CAP2: variants seen among roughly 807,000 people sequenced by gnomAD.
CAP2 encodes cyclase associated actin cytoskeleton regulatory protein 2.
In CAP2, 24 loss-of-function variants were observed where a neutral mutation model predicts 57.7. That is an observed-to-expected ratio of 0.42 (90% CI 0.30 to 0.58). The LOEUF is 0.58. Ranked by LOEUF, CAP2 falls within the 20% of genes least tolerant of loss-of-function variation. CAP2 has a pLI of 0.22. For missense variants in CAP2, 501 were observed against 590.3 expected, an observed-to-expected ratio of 0.85 and a Z score of 1.57; for synonymous variants, 194 against 207.2, an observed-to-expected ratio of 0.94 and a Z score of 0.55.
chr6:17,436,086 T>C lies in CAP2; in HGVS notation c.222+9396T>C, dbSNP rs112572494. Among the ~76,000 whole-genome samples, 1,284 of 133,958 alleles carry C rather than the reference T, an allele frequency of 9.6e-3. 15 individuals carry two copies. The highest frequency in any genetic ancestry group is 0.034 in the African/African-American group (1,175 of 34,314). 87.9% of individuals were successfully genotyped at this position (133,958 alleles called of 152,430 possible). A position where few individuals can be genotyped will look rare whatever the true frequency, so the allele number is the denominator to read the frequency against. On this transcript the variant is annotated intron_variant, in intron 3 of 12. Transcript: ENST00000229922. The stretch of plus-strand genomic sequence containing the variant: ...TAAGGAATCTTTCTTTCTTTCTTTC[T>C]TTCCTTCCTTCCTTCCTTCCTTCCT...
chr6:17,511,939 A>G (rs1298361899), intron 6 of CAP2, among the ~76,000 whole-genome samples: 2 of 152,098 alleles, frequency 1.3e-5, no homozygotes, highest in African/African-American at 4.8e-5. Flanking sequence ...GTTACCCCTT[A>G]AAGACTGATT....
intron 11 of CAP2, among the ~76,000 whole-genome samples, chr6:17,547,094 G>A (rs1763065172): frequency 1.3e-5 from 2 of 151,996 alleles, no homozygotes; most frequent in South Asian, 4.1e-4. Flanking sequence ...GCTTCAAAGA[G>A]AATAAAATAC....
At chr6:17,476,446 G>C (rs1761152216) in intron 4 of CAP2, among the ~76,000 whole-genome samples, 1 of 152,182 alleles carries the variant, frequency 6.6e-6, no homozygotes, top group African/African-American at 2.4e-5. Flanking sequence ...TTAAGTGAGA[G>C]CTCTTGTCTT....
rs185916093 is a variant in CAP2 at position 17,488,279 on chromosome 6, G to T, written c.301-18890G>T. 3.0e-4 allele frequency among the ~76,000 whole-genome samples: 45 copies of T among 152,178 alleles called. 1 individual carries two copies. Among genetic ancestry groups the T allele is most frequent in the Non-Finnish European group, 4.4e-4 (30 of 67,980 alleles). Reference sequence around the variant, plus strand: ...ATAGCTTGGCTTTGTGCTCTTTTTGGTATCTTTTTCTGCTGTTCTCTCAGC... The same window carrying T: ...ATAGCTTGGCTTTGTGCTCTTTTTGTTATCTTTTTCTGCTGTTCTCTCAGC... On this transcript the variant is annotated intron_variant, in intron 4 of 12. Transcript: ENST00000229922.
intron 4 of CAP2, among the ~76,000 whole-genome samples, chr6:17,474,545 CTA>C (rs1333437630): frequency 6.6e-6 from 1 of 152,124 alleles, no homozygotes; most frequent in Non-Finnish European, 1.5e-5. Context: ...CATGCCTACT[CTA>C]TAGTAGTCAG....
At chr6:17,504,355 C>T (rs921864875) in intron 4 of CAP2, among the ~76,000 whole-genome samples, 2 of 152,160 alleles carry the variant, frequency 1.3e-5, no homozygotes, top group African/African-American at 4.8e-5. Flanking sequence ...GGTGTAAAGT[C>T]CCAGAGCTGA....
chr6:17,551,735 C>T, intron 12 of CAP2, 131 bp downstream of exon 12: 1 of 666,802 alleles, frequency 1.5e-6, no homozygotes, highest in Non-Finnish European at 2.5e-6. Context: ...GCGAGGAATT[C>T]AGGGAGCTGT....
chr6:17,422,297 CAT>C (rs1759470560), intron 2 of CAP2, among the ~76,000 whole-genome samples: 1 of 149,850 alleles, frequency 6.7e-6, no homozygotes. Context: ...TTTGATGTAA[CAT>C]AACTACGTCA....
intron 4 of CAP2, among the ~76,000 whole-genome samples, chr6:17,484,381 C>T (rs1471219683): frequency 6.6e-6 from 1 of 152,156 alleles, no homozygotes; most frequent in African/African-American, 2.4e-5. Flanking sequence ...TGCAGCCTGG[C>T]TCAAATGACC....
chr6:17,493,416 G>A (rs1438926156), intron 4 of CAP2: 1 of 351,284 alleles, frequency 2.8e-6, no homozygotes, highest in Non-Finnish European at 5.9e-6. Flanking sequence ...AATTGACCTG[G>A]GAAATTAAAC....
chr6:17,445,881 G>T (rs1760244012), intron 3 of CAP2, among the ~76,000 whole-genome samples: 1 of 152,188 alleles, frequency 6.6e-6, no homozygotes, highest in Non-Finnish European at 1.5e-5. Flanking sequence ...TGTGCACAGA[G>T]GCTGCAGCTC....
chr6:17,410,650 C>T (rs1471501099), intron 1 of CAP2, among the ~76,000 whole-genome samples: 1 of 151,948 alleles, frequency 6.6e-6, no homozygotes, highest in Non-Finnish European at 1.5e-5. Context: ...GTCTGCCTTC[C>T]AGGTTCACGC....
At chr6:17,482,881 G>C (rs1761326496) in intron 4 of CAP2, among the ~76,000 whole-genome samples, 1 of 152,150 alleles carries the variant, frequency 6.6e-6, no homozygotes, top group Non-Finnish European at 1.5e-5. Context: ...ATTAGTGGGG[G>C]GACACCACTC....
chr6:17,523,168 T>C (rs1581593180), intron 7 of CAP2, among the ~76,000 whole-genome samples: 1 of 151,814 alleles, frequency 6.6e-6, no homozygotes, highest in African/African-American at 2.4e-5. Context: ...GAGGGTGAGG[T>C]AGTTAGTATG....
rs567873358 is a variant in CAP2, at chr6:17,526,213, G to A, written c.636+12259G>A. ...GCTCACTGCAACCTCCACCTCCCGG[G>A]TTCAAGCTATTCTCCTGCCTCAGCC... On this transcript the variant is annotated intron_variant, in intron 7 of 12. Transcript: ENST00000229922. 2.0e-5 allele frequency among the ~76,000 whole-genome samples: 3 copies of A among 151,890 alleles called. No homozygotes were observed. In the East Asian group the frequency reaches 5.8e-4, roughly 29 times the overall value.
chr6:17,439,110 T>TA (rs1467446010), intron 3 of CAP2, among the ~76,000 whole-genome samples: 1 of 150,678 alleles, frequency 6.6e-6, no homozygotes, highest in Non-Finnish European at 1.5e-5. Context: ...GACTCTGTCT[T>TA]AAAAAAATAA....
chr6:17,423,210 G>A (rs1438862603), intron 2 of CAP2, among the ~76,000 whole-genome samples: 1 of 152,200 alleles, frequency 6.6e-6, no homozygotes, highest in Non-Finnish European at 1.5e-5. Context: ...ACCCGTGCCT[G>A]TATTACATAC....
At chr6:17,486,266 T>C (rs992111807) in intron 4 of CAP2, among the ~76,000 whole-genome samples, 4 of 152,210 alleles carry the variant, frequency 2.6e-5, no homozygotes, top group African/African-American at 7.2e-5. Context: ...TGACAGTTGA[T>C]AATTTAAGCT....
chr6:17,541,973 C>T (rs144392169), intron 9 of CAP2, among the ~76,000 whole-genome samples: 3 of 152,132 alleles, frequency 2.0e-5, no homozygotes, highest in Non-Finnish European at 4.4e-5. Context: ...GTTTAACTGT[C>T]CAGCTCAGTG....
Sources: allele counts gnomAD v4.1 joint callset (sites outside exome capture counted in the v4.1 genomes callset), GRCh38; gene constraint gnomAD v4.1.1; transcripts MANE v1.5; gene names NCBI Gene and HGNC (gene_info 2026-07-23, HGNC 2026-07-21).